The following TTC28 variants were observed in gnomAD, a reference collection of about 807,000 sequenced individuals.
TTC28 encodes tetratricopeptide repeat domain 28, also known as tetratricopeptide repeat protein 28.
TTC28 carries 61 observed loss-of-function variants against 198.0 expected under a neutral mutation model. The observed-to-expected ratio is 0.31, with a 90% CI of 0.25 to 0.38. The LOEUF (loss-of-function observed/expected upper bound fraction) is 0.38. TTC28 is among the 10% of genes least tolerant of loss of function. The probability of loss-of-function intolerance (pLI) is 1.00; values close to 1 mark genes in which losing one functional copy is unlikely to be tolerated. For synonymous variants in TTC28, 1,171 were observed against 1,297.8 expected (o/e 0.90, Z 2.10); for missense variants, 2,678 against 3,164.0 (o/e 0.85, Z 3.69).
chr22:28,460,206 G>C (rs1038877001), intron 2 of TTC28, among the ~76,000 whole-genome samples: 8 of 152,116 alleles, frequency 5.3e-5, no homozygotes, highest in Non-Finnish European at 1.2e-4. Context: ...ATCTTAACAT[G>C]AAGATTTTAA....
At chr22:28,587,452 G>T (rs184090352) in intron 2 of TTC28, among the ~76,000 whole-genome samples, 1 of 152,152 alleles carries the variant, frequency 6.6e-6, no homozygotes, top group African/African-American at 2.4e-5. Flanking sequence ...AGGCCTTTCA[G>T]ATCAATCATC....
At chr22:28,384,771 C>A (rs1018720860) in intron 2 of TTC28, among the ~76,000 whole-genome samples, 1 of 152,178 alleles carries the variant, frequency 6.6e-6, no homozygotes, top group Non-Finnish European at 1.5e-5. Flanking sequence ...TCTTCTGCAA[C>A]GGACTTATCA....
chr22:28,650,853 A>G lies in TTC28; in HGVS notation c.103-21023T>C, dbSNP rs6005830. 8.2e-3 allele frequency among the ~76,000 whole-genome samples: 1,244 copies of G among 152,316 alleles called. 20 individuals are homozygous for G. The highest frequency in any genetic ancestry group is 0.028 in the African/African-American group (1,148 of 41,570). ...AGGTAGTAGTCTAACCTCTCCTCTCATTCCCATTTTTTAAAACTTAGGTCT... is the reference window on the plus strand; with the variant it reads ...AGGTAGTAGTCTAACCTCTCCTCTCGTTCCCATTTTTTAAAACTTAGGTCT... On this transcript the variant is annotated intron_variant, in intron 1 of 22. Transcript: ENST00000397906.
chr22:28,446,979 T>C (rs942859674), intron 2 of TTC28, among the ~76,000 whole-genome samples: 2 of 152,184 alleles, frequency 1.3e-5, no homozygotes, highest in African/African-American at 4.8e-5. Context: ...AAAATGCTTA[T>C]TATGACCACT....
At chr22:28,621,098 T>C (rs2050987204) in intron 2 of TTC28, among the ~76,000 whole-genome samples, 1 of 152,270 alleles carries the variant, frequency 6.6e-6, no homozygotes, top group African/African-American at 2.4e-5. Flanking sequence ...CTGGTATCAC[T>C]GCTTACAAAA....
At chr22:28,394,909 G>A (rs1350192539) in intron 2 of TTC28, among the ~76,000 whole-genome samples, 1 of 152,070 alleles carries the variant, frequency 6.6e-6, no homozygotes, top group African/African-American at 2.4e-5. Flanking sequence ...CACACACATA[G>A]TAATACTATG....
intron 11 of TTC28, among the ~76,000 whole-genome samples, chr22:28,095,985 C>A (rs1360382315): frequency 1.3e-5 from 2 of 152,176 alleles, no homozygotes; most frequent in Non-Finnish European, 1.5e-5. Flanking sequence ...TGAGGAGCAG[C>A]AATTTCTTGG....
chr22:28,575,336 T>G (rs1367975396), intron 2 of TTC28, among the ~76,000 whole-genome samples: 1 of 152,224 alleles, frequency 6.6e-6, no homozygotes, highest in African/African-American at 2.4e-5. Flanking sequence ...TCACTGCAGA[T>G]GTACGGATTT....
chr22:28,538,544 T>C (rs2049342758), intron 2 of TTC28, among the ~76,000 whole-genome samples: 2 of 150,812 alleles, frequency 1.3e-5, no homozygotes, highest in South Asian at 4.2e-4. Context: ...GAATTCCCTT[T>C]AGCACCTTTC....
chr22:28,480,497 C>G (rs756251303), intron 2 of TTC28, among the ~76,000 whole-genome samples: 3 of 152,116 alleles, frequency 2.0e-5, no homozygotes, highest in African/African-American at 7.2e-5. Context: ...TTAAAAAAAG[C>G]CTTTCGTTCT....
chr22:28,537,198 C>T (rs1002174231), intron 2 of TTC28, among the ~76,000 whole-genome samples: 30 of 151,506 alleles, frequency 2.0e-4, no homozygotes, highest in Admixed American at 1.2e-3. Flanking sequence ...GAGGCCGAGG[C>T]AGGAGAATGG....
chr22:28,645,966 T>C (rs2051458898), intron 1 of TTC28, among the ~76,000 whole-genome samples: 1 of 151,930 alleles, frequency 6.6e-6, no homozygotes, highest in Non-Finnish European at 1.5e-5. Flanking sequence ...GTCAACAACA[T>C]ACTGAACGGG....
chr22:28,672,262 G>A (rs1346513350), intron 1 of TTC28, among the ~76,000 whole-genome samples: 2 of 152,000 alleles, frequency 1.3e-5, no homozygotes, highest in South Asian at 2.1e-4. Context: ...TCCGCCTCCC[G>A]GGTTCAAGCA....
At chr22:27,997,696 AG>A (rs1249390546) in intron 16 of TTC28, 2 of 152,236 alleles carry the variant, frequency 1.3e-5, no homozygotes, top group Non-Finnish European at 2.9e-5. Flanking sequence ...GGGGAGTTTC[AG>A]GGGCCAATGC....
chr22:28,098,809 C>G, intron 10 of TTC28, 106 bp downstream of exon 10: 2 of 1,386,938 alleles, frequency 1.4e-6, no homozygotes, highest in Non-Finnish European at 1.9e-6. Flanking sequence ...GTTGTCACAA[C>G]AAATCATATT....
chr22:28,324,414 A>G (rs2045493700), intron 2 of TTC28, among the ~76,000 whole-genome samples: 1 of 130,954 alleles, frequency 7.6e-6, no homozygotes, highest in South Asian at 2.7e-4. Context: ...TGATACCAAA[A>G]CCTGGGAGAG....
chr22:28,599,244 A>G (rs1009557636), intron 2 of TTC28, among the ~76,000 whole-genome samples: 2 of 152,268 alleles, frequency 1.3e-5, no homozygotes, highest in Non-Finnish European at 2.9e-5. Context: ...TTTAGCCTAT[A>G]TTTTGCCTAT....
At chr22:28,105,250 A>G (rs1446852209) in intron 8 of TTC28, 29 bp downstream of exon 8, 1 of 1,539,760 alleles carries the variant, frequency 6.5e-7, no homozygotes, top group South Asian at 1.2e-5. Flanking sequence ...CAAGTAGGCC[A>G]AGAGAACACA....
At chr22:28,565,904 G>A (rs574842153) in intron 2 of TTC28, among the ~76,000 whole-genome samples, 2 of 152,136 alleles carry the variant, frequency 1.3e-5, no homozygotes, top group Admixed American at 1.3e-4. Context: ...TCCAAACACA[G>A]GGGGAAAGTG....
Sources: allele counts gnomAD v4.1 joint callset (sites outside exome capture counted in the v4.1 genomes callset), GRCh38; gene constraint gnomAD v4.1.1; transcripts MANE v1.5; gene names NCBI Gene and HGNC (gene_info 2026-07-23, HGNC 2026-07-21).